RETREG1: variants seen among roughly 807,000 people sequenced by gnomAD.
RETREG1 encodes the protein family with sequence similarity 134 member B.
RETREG1 carries 44 observed loss-of-function variants against 54.8 expected under a neutral mutation model. The observed-to-expected ratio is 0.80, with a 90% confidence interval of 0.63 to 1.03. The LOEUF (loss-of-function observed/expected upper bound fraction) is 1.03. Ranked by LOEUF, RETREG1 falls within the 50% of genes least tolerant of loss-of-function variation. RETREG1 has a pLI of 0.00. For synonymous variants in RETREG1, 217 were observed against 238.5 expected (o/e 0.91, Z 0.83); for missense variants, 554 against 605.1 (o/e 0.92, Z 0.89).
chr5:16,526,636 C>T (rs79001471), intron 3 of RETREG1, among the ~76,000 whole-genome samples: 4,676 of 152,276 alleles, frequency 0.031, 239 homozygotes, highest in African/African-American at 0.11. Flanking sequence ...TTTTGTTTAA[C>T]AAATACATGT....
intron 3 of RETREG1, among the ~76,000 whole-genome samples, chr5:16,529,354 G>A (rs1309625976): frequency 6.6e-6 from 1 of 152,206 alleles, no homozygotes; most frequent in African/African-American, 2.4e-5. Context: ...GAGTGTCTGT[G>A]TGAGGAATGG....
rs76869989 is a variant in RETREG1 at position 16,550,810 on chromosome 5, T to C, written c.458+14953A>G. Among the ~76,000 whole-genome samples, 905 of 152,326 alleles carry C rather than the reference T, an allele frequency of 5.9e-3. 11 individuals carry two copies. Among genetic ancestry groups the C allele is most frequent in the African/African-American group, 0.021 (883 of 41,578 alleles). On this transcript the variant is annotated intron_variant, in intron 3 of 8. Transcript: ENST00000306320. ...GCCATGGAAAGGAATGTAGTGCTGA[T>C]AAGAGCTGTAACATGAATCAACCTT...
intron 1 of RETREG1, among the ~76,000 whole-genome samples, chr5:16,612,041 G>GGAGA (rs368894313): frequency 1.7e-4 from 26 of 149,324 alleles, no homozygotes; most frequent in African/African-American, 6.4e-4. Flanking sequence ...CTCCAGTCTG[G>GGAGA]GAGAGAGAGA....
In RETREG1 at chr5:16,593,101, C is replaced by G. The variant is rs192748391; in HGVS notation, c.321-20999G>C. 6.6e-6 allele frequency among the ~76,000 whole-genome samples: 1 copy of G among 152,122 alleles called. No homozygotes were observed. The highest frequency in any genetic ancestry group is 1.5e-5 in the Non-Finnish European group (1 of 68,026). ...CAAAAGGCGTTTGCTTCCTAAAGCT[C>G]GGCAAAGGCACAACAGTGAACCCCT... On this transcript the variant is annotated intron_variant, in intron 1 of 8. Coordinates refer to ENST00000306320, the MANE Select transcript of RETREG1 (RefSeq NM_001034850.3). This position sits in a 1 kb window ranked among gnomAD's most constrained non-coding sequence, Gnocchi z 4.9.
intron 3 of RETREG1, among the ~76,000 whole-genome samples, chr5:16,491,173 T>C (rs1472248967): frequency 1.3e-5 from 2 of 152,098 alleles, no homozygotes; most frequent in African/African-American, 4.8e-5. Flanking sequence ...TAGGACCCCA[T>C]CCCATTACGA....
chr5:16,552,028 C>T (rs1741557764), intron 3 of RETREG1, among the ~76,000 whole-genome samples: 1 of 152,208 alleles, frequency 6.6e-6, no homozygotes. Flanking sequence ...CAGGATCATC[C>T]ACCCATCTCA....
At chr5:16,552,108 G>A (rs536203551) in intron 3 of RETREG1, among the ~76,000 whole-genome samples, 77 of 152,272 alleles carry the variant, frequency 5.1e-4, no homozygotes, top group African/African-American at 1.8e-3. Context: ...TCTGAGTTAC[G>A]GTATGGACTT....
chr5:16,488,850 C>T (rs1300751194), intron 3 of RETREG1, among the ~76,000 whole-genome samples: 4 of 151,956 alleles, frequency 2.6e-5, no homozygotes, highest in Non-Finnish European at 4.4e-5. Context: ...TTTGGGAGGC[C>T]GAGGTGGGCA....
intron 3 of RETREG1, among the ~76,000 whole-genome samples, chr5:16,555,526 T>C (rs1741682669): frequency 6.6e-6 from 1 of 152,142 alleles, no homozygotes. Context: ...AAATTTCTGT[T>C]GAAAGGATGG....
At chr5:16,498,238 A>G (rs1314488839) in intron 3 of RETREG1, among the ~76,000 whole-genome samples, 1 of 152,194 alleles carries the variant, frequency 6.6e-6, no homozygotes, top group Non-Finnish European at 1.5e-5. Flanking sequence ...GTGTACTTAC[A>G]CAAACCTGGA....
chr5:16,474,669 C>CTTTTTTTTTTTT lies in RETREG1; in HGVS notation c.*60_*71dup. On this transcript the variant is annotated 3_prime_UTR_variant, in exon 9 of 9. Transcript: ENST00000306320. ...CTTACAGTTCAATTTTTTTCTTTTC[C>CTTTTTTTTTTTT]TTTTTTTTTTTTTTTTCTTGTTTGA... 1.6e-6 allele frequency: 2 copies of CTTTTTTTTTTTT among 1,264,830 alleles called. No individual in the cohort carries two copies. The highest frequency in any genetic ancestry group is 1.1e-6 in the Non-Finnish European group (1 of 938,062). The allele number at this position is 1,264,830 out of a possible 1,614,324, so 78.4% of individuals were successfully genotyped here.
chr5:16,616,332 A>C lies in RETREG1; in HGVS notation c.320+320T>G, dbSNP rs1265067819. 56 of 342,638 alleles carry C rather than the reference A, an allele frequency of 1.6e-4. No homozygotes were observed. The East Asian group carries it at 2.8e-3, about 17-fold the overall frequency. The allele number at this position is 342,638 out of a possible 1,614,324, so 21.2% of individuals were successfully genotyped here. On this transcript the variant is annotated intron_variant, in intron 1 of 8. Transcript: ENST00000306320. The stretch of plus-strand genomic sequence containing the variant: ...TTGGGCGAGCAGGTCAAGACCTCAG[A>C]GTTTTAGAAAGCAGGGGCGAAGTTT...
At chr5:16,571,951 T>C (rs1335067825) in intron 2 of RETREG1, 45 bp downstream of exon 2, 1 of 1,406,180 alleles carries the variant, frequency 7.1e-7, no homozygotes, top group Admixed American at 1.7e-5. Flanking sequence ...AAATGCAGGG[T>C]CTAGAAAATT....
rs928540207 is a variant in RETREG1, at chr5:16,474,520, C to G, written c.*221G>C. On this transcript the variant is annotated 3_prime_UTR_variant, in exon 9 of 9. Coordinates refer to ENST00000306320, the MANE Select transcript of RETREG1 (RefSeq NM_001034850.3). ...ACAACACAGTGGTGTGTATAAAGTTCATTTCCATGCTTATTACACAAAAAT... is the reference window on the plus strand; with the variant it reads ...ACAACACAGTGGTGTGTATAAAGTTGATTTCCATGCTTATTACACAAAAAT... 5 of 583,382 alleles carry G rather than the reference C, an allele frequency of 8.6e-6. No homozygotes were observed. The Admixed American group carries it at 1.6e-4, about 18-fold the overall frequency. The allele number at this position is 583,382 out of a possible 1,614,324, so 36.1% of individuals were successfully genotyped here.
intron 3 of RETREG1, among the ~76,000 whole-genome samples, chr5:16,502,386 A>G (rs1364594670): frequency 6.6e-6 from 1 of 152,210 alleles, no homozygotes; most frequent in Admixed American, 6.5e-5. Flanking sequence ...TGCCTGACCA[A>G]TTGAATATGG....
intron 3 of RETREG1, among the ~76,000 whole-genome samples, chr5:16,510,159 CAAAT>C (rs1243101160): frequency 6.6e-6 from 1 of 152,120 alleles, no homozygotes; most frequent in South Asian, 2.1e-4. Context: ...AATGTCAAAA[CAAAT>C]AATATCTGCT....
chr5:16,590,032 A>G (rs1209481583), intron 1 of RETREG1, among the ~76,000 whole-genome samples: 3 of 152,256 alleles, frequency 2.0e-5, no homozygotes, highest in African/African-American at 4.8e-5. Context: ...CAAGCATGAG[A>G]GAGAACTGGC....
chr5:16,557,689 C>T (rs1471904306), intron 3 of RETREG1, among the ~76,000 whole-genome samples: 1 of 152,186 alleles, frequency 6.6e-6, no homozygotes, highest in East Asian at 1.9e-4. Context: ...TTGATTTTGG[C>T]AGGGTACAGA....
At chr5:16,484,791 C>T (rs1337756146) in intron 3 of RETREG1, among the ~76,000 whole-genome samples, 1 of 152,034 alleles carries the variant, frequency 6.6e-6, no homozygotes, top group Non-Finnish European at 1.5e-5. Flanking sequence ...CTTTCAGCCT[C>T]AACTAATGCT....
Sources: allele counts gnomAD v4.1 joint callset (sites outside exome capture counted in the v4.1 genomes callset), GRCh38; gene constraint gnomAD v4.1.1; non-coding constraint Gnocchi (gnomAD v3.1); transcripts MANE v1.5; gene names NCBI Gene and HGNC (gene_info 2026-07-23, HGNC 2026-07-21).